Variants in BRD8 observed in about 807,000 individuals in gnomAD.
BRD8 encodes bromodomain containing 8.
A neutral mutation model predicts 143.1 loss-of-function variants in BRD8; 67 were observed. The observed-to-expected ratio is 0.47, with a 90% CI of 0.38 to 0.57. The LOEUF (loss-of-function observed/expected upper bound fraction) is 0.57, where lower values mean the gene tolerates loss of function less well. Ranked by LOEUF, BRD8 falls within the 20% of genes least tolerant of loss-of-function variation. The pLI is 0.00. For synonymous variants in BRD8, 505 were observed against 517.1 expected (o/e 0.98, Z 0.32); for missense variants, 1,103 against 1,503.0 (o/e 0.73, Z 4.40).
In BRD8 at chr5:138,169,153, C is replaced by T. The variant is rs1753672946; in HGVS notation, c.642+69G>A. ...TTGCCTCTAGGCCAAAAGTGGTTTC[C>T]TCATCGCTCAGCTCTGCCGGCTTAT... On this transcript the variant is annotated intron_variant, in intron 8 of 26. Transcript: ENST00000254900. 3.2e-6 allele frequency: 5 copies of T among 1,546,774 alleles called. No individual in the cohort carries two copies. In the South Asian group the frequency reaches 6.1e-5, roughly 19 times the overall value.
At chr5:138,177,724 T>C in intron 1 of BRD8, 57 bp from the exon 2 acceptor site, 1 of 1,070,676 alleles carries the variant, frequency 9.3e-7, no homozygotes, top group South Asian at 1.4e-5. Flanking sequence ...ACTGTAGTGC[T>C]AAGCTCCAAA....
intron 9 of BRD8, chr5:138,166,941 C>T (rs1325620944): frequency 6.2e-6 from 3 of 483,560 alleles, no homozygotes; most frequent in Middle Eastern, 5.9e-4. Flanking sequence ...GAACACACAA[C>T]ATATATAAAA....
intron 7 of BRD8, among the ~76,000 whole-genome samples, chr5:138,169,752 T>A (rs1753718971): frequency 6.6e-6 from 1 of 152,188 alleles, no homozygotes; most frequent in Non-Finnish European, 1.5e-5. Flanking sequence ...GTGGATCACC[T>A]GAGGTCAGGA....
intron 20 of BRD8, among the ~76,000 whole-genome samples, chr5:138,153,834 G>A (rs946384261): frequency 4.6e-5 from 7 of 151,994 alleles, no homozygotes; most frequent in African/African-American, 1.7e-4. Context: ...CCACCACCAT[G>A]CCCGGCTAAT....
chr5:138,178,263 T>C (rs1374174463), intron 1 of BRD8, among the ~76,000 whole-genome samples: 1 of 152,192 alleles, frequency 6.6e-6, no homozygotes, highest in East Asian at 1.9e-4. Flanking sequence ...GAATGGCTCT[T>C]TGAGGTGCCG....
Position 138,163,596 on chromosome 5 carries a change from A to C in BRD8, c.1873-252T>G, listed in dbSNP as rs538980236. 8.0e-5 allele frequency: 115 copies of C among 1,444,806 alleles called. No individual in the cohort carries two copies. The African/African-American group carries it at 1.5e-3, about 19-fold the overall frequency. The allele number at this position is 1,444,806 out of a possible 1,614,324, so 89.5% of individuals were successfully genotyped here. On this transcript the variant is annotated intron_variant, in intron 14 of 26. Transcript: ENST00000254900. Reference sequence around the variant, plus strand: ...AAAAAAAGCTACTTACTTAAGACTAAGCTAAGAGGCGTTCCTTCTTTCCCC... The same window carrying C: ...AAAAAAAGCTACTTACTTAAGACTACGCTAAGAGGCGTTCCTTCTTTCCCC...
At chr5:138,178,503 C>A in intron 1 of BRD8, 93 bp downstream of exon 1, 1 of 1,193,804 alleles carries the variant, frequency 8.4e-7, no homozygotes, top group Non-Finnish European at 1.3e-6. Flanking sequence ...TCAAGCAACC[C>A]ACTTCTCCCA....
At chr5:138,147,885 C>T (rs1482258697) in intron 23 of BRD8, among the ~76,000 whole-genome samples, 1 of 151,830 alleles carries the variant, frequency 6.6e-6, no homozygotes, top group Non-Finnish European at 1.5e-5. Context: ...CTGAAGTGAG[C>T]CAAGATCATG....
At chr5:138,177,038 G>A in intron 2 of BRD8, 1 of 146,692 alleles carries the variant, frequency 6.8e-6, no homozygotes, top group Non-Finnish European at 1.5e-5. Context: ...AGTGAGCCAA[G>A]ATCACACCAC....
intron 14 of BRD8, 114 bp downstream of exon 14, chr5:138,163,973 A>C (rs1753204109): frequency 7.8e-7 from 1 of 1,280,852 alleles, no homozygotes; most frequent in Non-Finnish European, 1.1e-6. Context: ...ATGCAACTCC[A>C]TACCAGTCTC....
intron 17 of BRD8, 147 bp downstream of exon 17, chr5:138,161,649 C>T (rs2151198404): frequency 1.4e-6 from 1 of 696,008 alleles, no homozygotes. Flanking sequence ...GATCTAGCCA[C>T]TGGAATTATC....
intron 2 of BRD8, among the ~76,000 whole-genome samples, chr5:138,174,696 TG>T (rs1490803603): frequency 6.6e-6 from 1 of 152,094 alleles, no homozygotes; most frequent in African/African-American, 2.4e-5. Context: ...TCCTTCTTGT[TG>T]CATGGAACAA....
intron 10 of BRD8, 22 bp from the exon 11 acceptor site, chr5:138,166,130 G>C: frequency 6.3e-7 from 1 of 1,592,082 alleles, no homozygotes; most frequent in Non-Finnish European, 8.6e-7. Flanking sequence ...AAAGAGAAAA[G>C]CATCTCAGAA....
intron 3 of BRD8, 59 bp from the exon 4 acceptor site, chr5:138,171,469 T>C: frequency 9.2e-7 from 1 of 1,089,740 alleles, no homozygotes; most frequent in Non-Finnish European, 1.4e-6. Flanking sequence ...AGAAATGACC[T>C]TTCAAAGTTT....
intron 2 of BRD8, among the ~76,000 whole-genome samples, chr5:138,173,628 C>T (rs986394482): frequency 6.1e-4 from 93 of 152,168 alleles, no homozygotes; most frequent in African/African-American, 2.2e-3. Context: ...AGTGCAGTGG[C>T]ACAATCATGG....
chr5:138,141,439 C>T (rs1279618762), intron 25 of BRD8, among the ~76,000 whole-genome samples: 1 of 152,112 alleles, frequency 6.6e-6, no homozygotes, highest in Non-Finnish European at 1.5e-5. Flanking sequence ...CTTATTATCT[C>T]CATTTCACAG....
At chr5:138,162,225 G>GTGAGACCCT in intron 15 of BRD8, 79 bp from the exon 16 acceptor site, 1 of 1,123,372 alleles carries the variant, frequency 8.9e-7, no homozygotes. Flanking sequence ...TTTGAGACAG[G>GTGAGACCCT]GTCTCACTCT....
intron 26 of BRD8, 103 bp from the exon 27 acceptor site, chr5:138,140,269 T>C (rs1751849001): frequency 3.7e-6 from 3 of 814,554 alleles, no homozygotes; most frequent in Non-Finnish European, 6.1e-6. Context: ...CTTTTTTCTT[T>C]AAAGTATGAT....
chr5:138,162,143 A>G lies in BRD8; in HGVS notation c.2091T>C (p.Ser697=). 6.2e-7 allele frequency: 1 copy of G among 1,605,888 alleles called. No individual in the cohort carries two copies. Among genetic ancestry groups the G allele is most frequent in the Admixed American group, 1.7e-5 (1 of 57,458 alleles). Residue 697 remains serine, a synonymous_variant, in exon 16 of 27, where the codon TCT becomes TCC. Coordinates refer to ENST00000254900, the MANE Select transcript of BRD8 (RefSeq NM_139199.2). ...TAGCTTCCTGATCCTCACTACAGAC[A>G]GAGCTGAAACAGAGATACAGCAATT... The part of the protein sequence containing the change: ...IPSSPASSQF[S]VCSEDQEAIQ...
Sources: allele counts gnomAD v4.1 joint callset (sites outside exome capture counted in the v4.1 genomes callset), GRCh38; gene constraint gnomAD v4.1.1; transcripts MANE v1.5; gene names NCBI Gene and HGNC (gene_info 2026-07-23, HGNC 2026-07-21).